The following LDB3 variants were observed in gnomAD, a reference collection of about 807,000 sequenced individuals.
The protein encoded by LDB3 is LIM domain-binding protein 3.
LDB3 carries 49 observed loss-of-function variants against 69.0 expected under a neutral mutation model. The observed-to-expected ratio is 0.71, with a 90% CI of 0.56 to 0.90. The LOEUF is 0.90. LDB3 is among the 40% of genes least tolerant of loss of function. LDB3 has a pLI of 0.00. For synonymous variants in LDB3, 387 were observed against 396.2 expected, an observed-to-expected ratio of 0.98 and a Z score of 0.28; for missense variants, 928 against 974.1, an observed-to-expected ratio of 0.95 and a Z score of 0.63.
intron 10 of LDB3, 114 bp from the exon 11 acceptor site, chr10:86,717,850 A>C (rs774371645): frequency 7.4e-5 from 69 of 934,560 alleles, no homozygotes; most frequent in Middle Eastern, 3.2e-4. Flanking sequence ...TCATCAGAAC[A>C]GTCACAAAAG....
rs201417512 is a variant in LDB3 at position 86,691,921 on chromosome 10, G to A, written c.715G>A (p.Val239Ile). The change falls in exon 6 of 14, where the codon GTA becomes ATA. Residue 239 changes from valine to isoleucine, a missense_variant. Transcript: ENST00000361373. ...GGSLPIKDLA[V>I]DSASPVYQAV... ...GAGCCTCCCTATTAAGGACCTTGCC[G>A]TAGACAGCGCCTCTCCCGTCTACCA... is the stretch of plus-strand genomic sequence containing the variant. 9.2e-5 allele frequency: 148 copies of A among 1,614,132 alleles called. No individual in the cohort carries two copies. In the Middle Eastern group the frequency reaches 1.2e-3, roughly 13 times the overall value.
chr10:86,681,543 C>T lies in LDB3; in HGVS notation c.429C>T (p.Ser143=), dbSNP rs1244298305. The change falls in exon 5 of 14, where the codon AGC becomes AGT. Residue 143 remains serine (S), a synonymous_variant. Coordinates refer to ENST00000361373, the MANE Select transcript of LDB3 (RefSeq NM_007078.3). The part of the protein sequence containing the change: ...PGTPELRPTF[S]PAFSRPSAFS... Reference sequence around the variant, plus strand: ...CCCCGGAGCTCAGGCCCACCTTTAGCCCTGCCTTCTCCCGGCCCTCCGCCT... The same window carrying T: ...CCCCGGAGCTCAGGCCCACCTTTAGTCCTGCCTTCTCCCGGCCCTCCGCCT... 2 of 1,612,872 alleles carry T rather than the reference C, an allele frequency of 1.2e-6. No individual in the cohort carries two copies. Among genetic ancestry groups the T allele is most frequent in the Admixed American group, 3.3e-5 (2 of 60,012 alleles).
chr10:86,715,696 C>G (rs1846842252), intron 9 of LDB3, among the ~76,000 whole-genome samples: 1 of 152,172 alleles, frequency 6.6e-6, no homozygotes, highest in African/African-American at 2.4e-5. Context: ...CTCTGCCCAG[C>G]ACCCTCTGAA....
At chr10:86,717,610 G>C (rs1846924595) in intron 10 of LDB3, among the ~76,000 whole-genome samples, 1 of 152,224 alleles carries the variant, frequency 6.6e-6, no homozygotes, top group Non-Finnish European at 1.5e-5. Flanking sequence ...AAATGCAAAA[G>C]TCTTCTTGAA....
At chr10:86,706,402 C>T in intron 7 of LDB3, 129 bp from the exon 8 acceptor site, 1 of 986,532 alleles carries the variant, frequency 1.0e-6, no homozygotes, top group South Asian at 1.3e-5. Flanking sequence ...GGATCCTACT[C>T]TGTTTGCAAG....
intron 2 of LDB3, among the ~76,000 whole-genome samples, chr10:86,673,200 T>C (rs1564629021): frequency 6.6e-6 from 1 of 152,122 alleles, no homozygotes; most frequent in African/African-American, 2.4e-5. Context: ...AAGACCCAAA[T>C]GGAACTGTGG....
chr10:86,673,799 T>C (rs577995522), intron 2 of LDB3, among the ~76,000 whole-genome samples: 110 of 152,282 alleles, frequency 7.2e-4, no homozygotes, highest in Middle Eastern at 6.8e-3. Context: ...ACATCTACAC[T>C]GGCACATCTA....
chr10:86,729,990 C>T (rs1480375469), intron 13 of LDB3, among the ~76,000 whole-genome samples: 1 of 152,164 alleles, frequency 6.6e-6, no homozygotes, highest in Non-Finnish European at 1.5e-5. Context: ...TTTGCATAGT[C>T]TTTAAATTGT....
intron 13 of LDB3, among the ~76,000 whole-genome samples, chr10:86,726,946 G>C (rs776944256): frequency 2.6e-5 from 4 of 152,024 alleles, no homozygotes; most frequent in Non-Finnish European, 5.9e-5. Flanking sequence ...CTCTGAAGGA[G>C]AGGTAGGAAA....
chr10:86,732,439 G>T (rs1001438653), intron 13 of LDB3: 2 of 451,842 alleles, frequency 4.4e-6, no homozygotes, highest in Admixed American at 2.4e-5. Context: ...CCGTCATTAA[G>T]AATTCATAGT....
In LDB3 at chr10:86,681,674, C is replaced by G; in HGVS notation, c.560C>G (p.Pro187Arg). Residue 187 changes from proline to arginine, a missense_variant, in exon 5 of 14, where the codon CCG becomes CGG. By Grantham distance (103) the Pro-to-Arg change is moderately radical (BLOSUM62 -2). Coordinates refer to ENST00000361373, the MANE Select transcript of LDB3 (RefSeq NM_007078.3). The stretch of plus-strand genomic sequence containing the variant: ...GACCTACTCGGCCCAAAAGCCCTGC[C>G]GGGCTCGAGCCAGCCGAGGCAATAT... Reference protein sequence around the residue: ...ARDLLGPKALPGSSQPRQYNN... With the variant: ...ARDLLGPKALRGSSQPRQYNN... 1 of 1,613,360 alleles carries G rather than the reference C, an allele frequency of 6.2e-7. No homozygotes were observed. Among genetic ancestry groups the G allele is most frequent in the Non-Finnish European group, 8.5e-7 (1 of 1,179,896 alleles).
intron 5 of LDB3, chr10:86,685,637 C>G: frequency 6.2e-7 from 1 of 1,612,892 alleles, no homozygotes; most frequent in South Asian, 1.1e-5. Flanking sequence ...GGTGGAGCCT[C>G]TCTCTGACCA....
chr10:86,716,399 CT>C lies in LDB3; in HGVS notation c.1305del (p.Ala436ProfsTer56). ...SPTPYTPSPA[P>X]AYTPSPAPAY... ...ACTCCCTACACCCCCTCCCCTGCCC[CT>C]GCCTACACCCCCTCCCCTGCCCCTG... On this transcript the variant is annotated frameshift_variant, in exon 10 of 14. Coordinates refer to ENST00000361373, the MANE Select transcript of LDB3 (RefSeq NM_007078.3). LOFTEE classifies it high-confidence loss of function. The C allele has an allele frequency of 3.9e-6, 6 of 1,553,240 alleles. No homozygotes were observed. Among genetic ancestry groups the C allele is most frequent in the Non-Finnish European group, 5.2e-6 (6 of 1,150,804 alleles).
intron 7 of LDB3, among the ~76,000 whole-genome samples, chr10:86,704,254 T>C (rs778423108): frequency 6.6e-5 from 10 of 152,126 alleles, no homozygotes; most frequent in Non-Finnish European, 1.5e-4. Context: ...TGCAAAGTGT[T>C]ATAGTGGTGA....
chr10:86,685,724 G>A, intron 5 of LDB3: 2 of 1,614,044 alleles, frequency 1.2e-6, no homozygotes, highest in Admixed American at 1.7e-5. Flanking sequence ...GACAGCATGT[G>A]TGTGCGCTTG....
In LDB3 at chr10:86,727,854, T is replaced by G. The variant is rs1847314610; in HGVS notation, c.2094+1602T>G. Among the ~76,000 whole-genome samples the G allele has an allele frequency of 2.0e-5, 3 of 147,380 alleles. No individual in the cohort carries two copies. In the South Asian group the frequency reaches 6.5e-4, roughly 32 times the overall value. ...CTCCTTTTTTTTTTTATTTTTTTTT[T>G]GAGATGGAGTTTCCCTCTTGTTGCC... is the stretch of plus-strand genomic sequence containing the variant. On this transcript the variant is annotated intron_variant, in intron 13 of 13. Transcript: ENST00000361373.
At position 86,707,274 on chromosome 10, in the gene LDB3, A is replaced by C. The variant is rs932507892; in HGVS notation, c.1085+555A>C. ...ATAGTGGGATTTATATCTGCTCCAC[A>C]GCTTACTGTGTGTAACCTTGAAAAA... On this transcript the variant is annotated intron_variant, in intron 8 of 13. Coordinates refer to ENST00000361373, the MANE Select transcript of LDB3 (RefSeq NM_007078.3). Among the ~76,000 whole-genome samples, 3 of 152,116 alleles carry C rather than the reference A, an allele frequency of 2.0e-5. No individual in the cohort carries two copies. The South Asian group carries it at 6.2e-4, about 32-fold the overall frequency.
chr10:86,711,353 C>G (rs1015937429), intron 9 of LDB3, among the ~76,000 whole-genome samples: 1 of 151,994 alleles, frequency 6.6e-6, no homozygotes, highest in Non-Finnish European at 1.5e-5. Flanking sequence ...GCGAGCGAGA[C>G]GGGCCGGAGC....
chr10:86,678,242 G>A (rs1022974634), intron 2 of LDB3, among the ~76,000 whole-genome samples: 1 of 150,216 alleles, frequency 6.7e-6, no homozygotes, highest in African/African-American at 2.4e-5. Context: ...GTACAGACGG[G>A]GTTTCACCAT....
Sources: allele counts gnomAD v4.1 joint callset (sites outside exome capture counted in the v4.1 genomes callset), GRCh38; gene constraint gnomAD v4.1.1; transcripts MANE v1.5; gene names NCBI Gene and HGNC (gene_info 2026-07-23, HGNC 2026-07-21).